Variants in DPYSL3 observed in about 807,000 individuals in gnomAD.
DPYSL3 encodes dihydropyrimidinase like 3.
Under a neutral mutation model 66.1 loss-of-function variants are expected in DPYSL3, and 16 were observed. The ratio of observed to expected loss-of-function variants is 0.24; its 90% CI spans 0.16 to 0.37. DPYSL3 has a LOEUF of 0.37. Among genes scored for constraint, DPYSL3 ranks in the 10% least tolerant of loss-of-function variants. DPYSL3 has a pLI of 1.00. For missense variants in DPYSL3, 738 were observed against 916.2 expected (o/e 0.81, Z 2.51); for synonymous variants, 338 against 345.1 (o/e 0.98, Z 0.23).
At chr5:147,475,862 A>G (rs2126428781) in intron 1 of DPYSL3, among the ~76,000 whole-genome samples, 1 of 152,300 alleles carries the variant, frequency 6.6e-6, no homozygotes, top group East Asian at 1.9e-4. Context: ...GATTAAGATC[A>G]TGATCACAAA....
At chr5:147,431,681 C>A (rs1035325343) in intron 1 of DPYSL3, among the ~76,000 whole-genome samples, 1 of 152,104 alleles carries the variant, frequency 6.6e-6, no homozygotes, top group Non-Finnish European at 1.5e-5. Flanking sequence ...ATTCCAGAGA[C>A]GCCAGTCCCC....
intron 1 of DPYSL3, among the ~76,000 whole-genome samples, chr5:147,480,058 C>G (rs573880534): frequency 6.6e-6 from 1 of 152,288 alleles, no homozygotes; most frequent in Admixed American, 6.5e-5. Flanking sequence ...TTGGCTACTA[C>G]TCTGCAAACT....
intron 12 of DPYSL3, among the ~76,000 whole-genome samples, chr5:147,396,006 G>A (rs1318711987): frequency 6.6e-6 from 1 of 152,110 alleles, no homozygotes; most frequent in African/African-American, 2.4e-5. Context: ...GGAGGAGGTT[G>A]GAGGGATACC....
At chr5:147,432,367 C>A (rs1752330926) in intron 1 of DPYSL3, among the ~76,000 whole-genome samples, 5 of 152,168 alleles carry the variant, frequency 3.3e-5, no homozygotes, top group Admixed American at 2.6e-4. Flanking sequence ...GTTGTCTGAA[C>A]TGGAGAATCA....
intron 13 of DPYSL3, among the ~76,000 whole-genome samples, chr5:147,394,643 A>G (rs1294647232): frequency 6.6e-6 from 1 of 151,996 alleles, no homozygotes. Flanking sequence ...AGGAGCCTCT[A>G]AAAGCTTAAG....
chr5:147,411,671 G>A (rs924048076), intron 6 of DPYSL3, among the ~76,000 whole-genome samples: 2 of 152,154 alleles, frequency 1.3e-5, no homozygotes, highest in Non-Finnish European at 2.9e-5. Flanking sequence ...CCTGCTATCA[G>A]GAAACTAATG....
intron 1 of DPYSL3, among the ~76,000 whole-genome samples, chr5:147,497,254 G>T (rs1581219166): frequency 7.1e-6 from 1 of 140,384 alleles, no homozygotes. Context: ...CTGTTGTGGG[G>T]TGGGGGGAGG....
chr5:147,456,975 A>G (rs1244729381), intron 1 of DPYSL3, among the ~76,000 whole-genome samples: 2 of 152,120 alleles, frequency 1.3e-5, no homozygotes, highest in Non-Finnish European at 2.9e-5. Context: ...TCATTTGGCT[A>G]TCACCTGAAT....
intron 1 of DPYSL3, among the ~76,000 whole-genome samples, chr5:147,477,964 T>C (rs1254592239): frequency 6.6e-6 from 1 of 152,188 alleles, no homozygotes; most frequent in East Asian, 1.9e-4. Flanking sequence ...AGACTGCCTT[T>C]CTTAGAGCTT....
chr5:147,406,830 C>T (rs373078722), intron 7 of DPYSL3, among the ~76,000 whole-genome samples: 105 of 152,316 alleles, frequency 6.9e-4, no homozygotes, highest in African/African-American at 2.4e-3. Flanking sequence ...AAATAGCTTG[C>T]AGATGCCCAA....
At chr5:147,502,121 G>T (rs191890793) in intron 1 of DPYSL3, among the ~76,000 whole-genome samples, 1 of 151,962 alleles carries the variant, frequency 6.6e-6, no homozygotes, top group Non-Finnish European at 1.5e-5. Flanking sequence ...TGACTCAGAC[G>T]CTGCCTTCTA....
intron 1 of DPYSL3, among the ~76,000 whole-genome samples, chr5:147,493,436 G>A (rs1369392901): frequency 6.6e-6 from 1 of 152,134 alleles, no homozygotes; most frequent in Non-Finnish European, 1.5e-5. Flanking sequence ...AGCTGGATGT[G>A]CTGGTGCACA....
At chr5:147,486,645 T>A (rs554053919) in intron 1 of DPYSL3, among the ~76,000 whole-genome samples, 1 of 152,318 alleles carries the variant, frequency 6.6e-6, no homozygotes, top group South Asian at 2.1e-4. Flanking sequence ...TTCAAGTACC[T>A]AATAGATTTC....
At position 147,439,967 on chromosome 5, in the gene DPYSL3, T is replaced by C. The variant is rs1358814346; in HGVS notation, c.382-15004A>G. ...TGAGAAGGCAGCTTCGACAGAGCCATCTGCATTCAATATTGAAAGTGCTTC... is the reference window on the plus strand; with the variant it reads ...TGAGAAGGCAGCTTCGACAGAGCCACCTGCATTCAATATTGAAAGTGCTTC... On this transcript the variant is annotated intron_variant, in intron 1 of 13. Transcript: ENST00000343218. Among the ~76,000 whole-genome samples the C allele has an allele frequency of 2.0e-5, 3 of 152,220 alleles. No individual in the cohort carries two copies. In the East Asian group the frequency reaches 5.8e-4, roughly 29 times the overall value.
intron 1 of DPYSL3, among the ~76,000 whole-genome samples, chr5:147,427,569 G>GGTCTGT (rs1307644465): frequency 4.6e-5 from 7 of 152,176 alleles, no homozygotes; most frequent in African/African-American, 1.7e-4. Context: ...GGCAGTCCTA[G>GGTCTGT]GTCTGTGCTT....
At chr5:147,401,801 A>C (rs7710577) in intron 8 of DPYSL3, 105 bp from the exon 9 acceptor site, 1 of 1,381,678 alleles carries the variant, frequency 7.2e-7, no homozygotes, top group African/African-American at 1.5e-5. Flanking sequence ...TGTGTCTCAG[A>C]GTCAGACTGA....
chr5:147,442,771 T>G (rs1314422619), intron 1 of DPYSL3, among the ~76,000 whole-genome samples: 1 of 151,740 alleles, frequency 6.6e-6, no homozygotes, highest in Non-Finnish European at 1.5e-5. Flanking sequence ...CGTAATATAT[T>G]GTGCAATGAA....
chr5:147,463,708 G>A (rs924769915), intron 1 of DPYSL3, among the ~76,000 whole-genome samples: 3 of 152,086 alleles, frequency 2.0e-5, no homozygotes, highest in African/African-American at 7.3e-5. Context: ...GCAATGCAGG[G>A]AACCGACCAA....
At chr5:147,467,127 A>G (rs1753021671) in intron 1 of DPYSL3, among the ~76,000 whole-genome samples, 1 of 152,102 alleles carries the variant, frequency 6.6e-6, no homozygotes, top group South Asian at 2.1e-4. Context: ...TTATTTTTTC[A>G]CTGGAGACAT....
Sources: allele counts gnomAD v4.1 joint callset (sites outside exome capture counted in the v4.1 genomes callset), GRCh38; gene constraint gnomAD v4.1.1; transcripts MANE v1.5; gene names NCBI Gene and HGNC (gene_info 2026-07-23, HGNC 2026-07-21).